FHIP1A: variants seen among roughly 807,000 people sequenced by gnomAD.
FHIP1A encodes FHF complex subunit HOOK interacting protein 1A, also known as FHF complex subunit HOOK-interacting protein 1A.
A neutral mutation model predicts 88.6 loss-of-function variants in FHIP1A; 61 were observed. That is an observed-to-expected ratio of 0.69 (90% CI 0.56 to 0.85). FHIP1A has a LOEUF of 0.85. Ranked by LOEUF, FHIP1A falls within the 40% of genes least tolerant of loss-of-function variation. The pLI is 0.00. For missense variants in FHIP1A, 1,154 were observed against 1,273.5 expected, an observed-to-expected ratio of 0.91 and a Z score of 1.43; for synonymous variants, 478 against 496.0, an observed-to-expected ratio of 0.96 and a Z score of 0.48.
At chr4:151,441,649 G>T (rs1273987374) in intron 1 of FHIP1A, among the ~76,000 whole-genome samples, 1 of 152,146 alleles carries the variant, frequency 6.6e-6, no homozygotes, top group East Asian at 1.9e-4. Flanking sequence ...ATTGGCTTAA[G>T]ATTCTCATGT....
chr4:151,555,677 A>G (rs1732919703), intron 3 of FHIP1A, among the ~76,000 whole-genome samples: 1 of 152,154 alleles, frequency 6.6e-6, no homozygotes, highest in Non-Finnish European at 1.5e-5. Context: ...GTTTTGGAAC[A>G]AATCTAAGAA....
intron 3 of FHIP1A, among the ~76,000 whole-genome samples, chr4:151,511,752 C>T (rs895948468): frequency 5.9e-5 from 9 of 152,244 alleles, no homozygotes; most frequent in Non-Finnish European, 1.3e-4. Flanking sequence ...CGCCATTGCC[C>T]AGGCTTGCTT....
chr4:151,472,466 C>T (rs929260905), intron 2 of FHIP1A, among the ~76,000 whole-genome samples: 3 of 152,050 alleles, frequency 2.0e-5, no homozygotes, highest in Non-Finnish European at 2.9e-5. Flanking sequence ...AAGTCTTTGC[C>T]TTCAAGATCA....
intron 7 of FHIP1A, among the ~76,000 whole-genome samples, chr4:151,598,049 C>T (rs980154572): frequency 6.6e-6 from 1 of 152,068 alleles, no homozygotes; most frequent in African/African-American, 2.4e-5. Context: ...GGTTCTGTCT[C>T]ACTGGCCTTC....
At chr4:151,574,683 T>C (rs760546677) in intron 4 of FHIP1A, among the ~76,000 whole-genome samples, 4 of 152,162 alleles carry the variant, frequency 2.6e-5, no homozygotes, top group Admixed American at 6.5e-5. Flanking sequence ...ATTTAAATTA[T>C]GAAATTAGGT....
chr4:151,444,385 A>G (rs1278108378), intron 1 of FHIP1A, among the ~76,000 whole-genome samples: 1 of 152,198 alleles, frequency 6.6e-6, no homozygotes, highest in Admixed American at 6.5e-5. Flanking sequence ...AAGAATATAC[A>G]TAAGTACATG....
chr4:151,482,861 A>G (rs1238091785), intron 3 of FHIP1A, among the ~76,000 whole-genome samples: 1 of 152,110 alleles, frequency 6.6e-6, no homozygotes, highest in East Asian at 1.9e-4. Context: ...ACCCTCTGGT[A>G]GCATTCTTCT....
chr4:151,490,285 G>A (rs528911621), intron 3 of FHIP1A, among the ~76,000 whole-genome samples: 2 of 152,296 alleles, frequency 1.3e-5, no homozygotes, highest in East Asian at 3.9e-4. Flanking sequence ...ACCAGAGCAG[G>A]TGCTGGTATC....
chr4:151,561,093 G>A (rs780374689), intron 3 of FHIP1A, among the ~76,000 whole-genome samples: 5 of 152,210 alleles, frequency 3.3e-5, no homozygotes, highest in South Asian at 2.1e-4. Context: ...GGATTGTTTC[G>A]TGGGATTATT....
At chr4:151,545,351 A>G (rs1007371524) in intron 3 of FHIP1A, among the ~76,000 whole-genome samples, 1 of 150,892 alleles carries the variant, frequency 6.6e-6, no homozygotes, top group Non-Finnish European at 1.5e-5. Flanking sequence ...TTCCAAGGCA[A>G]AATATTTCCT....
At chr4:151,508,202 A>G (rs1316901005) in intron 3 of FHIP1A, among the ~76,000 whole-genome samples, 1 of 152,216 alleles carries the variant, frequency 6.6e-6, no homozygotes, top group Non-Finnish European at 1.5e-5. Flanking sequence ...CTCAATTTTT[A>G]TTTAATCTTA....
At chr4:151,661,408 G>GTTTTTT (rs5862966) in intron 13 of FHIP1A, among the ~76,000 whole-genome samples, 1 of 128,602 alleles carries the variant, frequency 7.8e-6, no homozygotes, top group Non-Finnish European at 1.7e-5. Context: ...AGTGGAAGTT[G>GTTTTTT]TTTTTTTTTT....
At chr4:151,460,871 T>C (rs990090753) in intron 2 of FHIP1A, among the ~76,000 whole-genome samples, 8 of 152,230 alleles carry the variant, frequency 5.3e-5, no homozygotes, top group African/African-American at 1.9e-4. Flanking sequence ...GTGGAGGATT[T>C]CTGAAGCATT....
At chr4:151,653,937 A>G (rs1336348114) in intron 11 of FHIP1A, among the ~76,000 whole-genome samples, 1 of 152,120 alleles carries the variant, frequency 6.6e-6, no homozygotes, top group East Asian at 1.9e-4. Context: ...TGGGGAGTCT[A>G]TCTGTCCTCT....
chr4:151,659,540 C>T (rs181009888), intron 13 of FHIP1A, among the ~76,000 whole-genome samples: 5 of 152,334 alleles, frequency 3.3e-5, no homozygotes, highest in Non-Finnish European at 7.4e-5. Context: ...TCTCTCTCCT[C>T]ACTTCTGAAA....
At chr4:151,524,226 C>T (rs542132415) in intron 3 of FHIP1A, among the ~76,000 whole-genome samples, 15 of 151,864 alleles carry the variant, frequency 9.9e-5, no homozygotes, top group East Asian at 3.9e-4. Context: ...CACTTGAACC[C>T]GGGAGGCGGA....
chr4:151,586,562 T>C lies in FHIP1A; in HGVS notation c.733-79T>C, dbSNP rs1412253799. 12 of 1,170,218 alleles carry C rather than the reference T, an allele frequency of 1.0e-5. No homozygotes were observed. The East Asian group carries it at 2.6e-4, about 25-fold the overall frequency. 72.5% of individuals were successfully genotyped at this position (1,170,218 alleles called of 1,614,324 possible). On this transcript the variant is annotated intron_variant, in intron 5 of 13. Transcript: ENST00000435205. ...AGATATAGTTTTGGGACCAGCAGCA[T>C]TGGCATCACCTGTGAGCTGTTAATT... is the stretch of plus-strand genomic sequence containing the variant.
chr4:151,655,302 A>G (rs1355464357), intron 11 of FHIP1A, among the ~76,000 whole-genome samples: 1 of 152,226 alleles, frequency 6.6e-6, no homozygotes, highest in South Asian at 2.1e-4. Flanking sequence ...AGTATCTTCA[A>G]GTAAGTTTAT....
At chr4:151,613,746 G>T (rs999222417) in intron 7 of FHIP1A, among the ~76,000 whole-genome samples, 1 of 152,154 alleles carries the variant, frequency 6.6e-6, no homozygotes, top group Non-Finnish European at 1.5e-5. Flanking sequence ...CCTGGCACTA[G>T]ACCTGGAGAT....
Sources: gnomAD v4.1 joint callset for allele counts (sites outside exome capture counted in the v4.1 genomes callset) on GRCh38, gnomAD v4.1.1 for gene constraint, MANE v1.5 for transcripts, NCBI Gene and HGNC (gene_info 2026-07-23, HGNC 2026-07-21) for gene names.